MAP3K2: variants seen among roughly 807,000 people sequenced by gnomAD.
MAP3K2 encodes mitogen-activated protein kinase kinase kinase 2, also known as MAP/ERK kinase kinase 2.
Under a neutral mutation model 80.3 loss-of-function variants are expected in MAP3K2, and 24 were observed. The observed-to-expected ratio is 0.30, with a 90% CI of 0.22 to 0.42. MAP3K2 has a LOEUF of 0.42. Among genes scored for constraint, MAP3K2 ranks in the 10% least tolerant of loss-of-function variants. The pLI, the probability that MAP3K2 is intolerant of heterozygous loss-of-function variation, is 1.00. For missense variants in MAP3K2, 608 were observed against 750.1 expected, an observed-to-expected ratio of 0.81 and a Z score of 2.21; for synonymous variants, 244 against 253.7, an observed-to-expected ratio of 0.96 and a Z score of 0.36.
intron 1 of MAP3K2, among the ~76,000 whole-genome samples, chr2:127,373,140 G>A (rs1687094136): frequency 6.6e-6 from 1 of 152,200 alleles, no homozygotes; most frequent in African/African-American, 2.4e-5. Context: ...ATGCTGAACA[G>A]TCCTACCATG....
intron 4 of MAP3K2, among the ~76,000 whole-genome samples, 156 bp downstream of exon 4, chr2:127,337,582 T>TA (rs1308980884): frequency 6.6e-6 from 1 of 152,242 alleles, no homozygotes; most frequent in Non-Finnish European, 1.5e-5. Context: ...TTATCTATCT[T>TA]AAGTCTAAGC....
At chr2:127,324,019 T>A (rs1315598592) in intron 10 of MAP3K2, 25 bp from the exon 11 acceptor site, 3 of 1,190,764 alleles carry the variant, frequency 2.5e-6, no homozygotes, top group Non-Finnish European at 3.5e-6. Context: ...AAGATGGTTA[T>A]CTTTTATTTA....
intron 1 of MAP3K2, among the ~76,000 whole-genome samples, chr2:127,351,474 C>T (rs1159296873): frequency 6.6e-6 from 1 of 152,098 alleles, no homozygotes; most frequent in Admixed American, 6.5e-5. Context: ...ATCTATTCTT[C>T]TCCAGTCTTA....
At chr2:127,340,284 T>A (rs1023795212) in intron 2 of MAP3K2, among the ~76,000 whole-genome samples, 1 of 152,168 alleles carries the variant, frequency 6.6e-6, no homozygotes, top group Non-Finnish European at 1.5e-5. Context: ...AGGTACAATA[T>A]AATCACAATA....
intron 1 of MAP3K2, among the ~76,000 whole-genome samples, chr2:127,361,823 C>T (rs1480220348): frequency 2.6e-5 from 4 of 152,196 alleles, no homozygotes; most frequent in African/African-American, 9.7e-5. Flanking sequence ...GGGTTCAAAA[C>T]CTAGCGGTAG....
chr2:127,382,280 G>A (rs1304995399), intron 1 of MAP3K2, among the ~76,000 whole-genome samples: 1 of 152,170 alleles, frequency 6.6e-6, no homozygotes, highest in East Asian at 1.9e-4. Context: ...GACATATTGA[G>A]AGGTAAAATG....
chr2:127,322,196 C>G lies in MAP3K2; in HGVS notation c.895G>C (p.Val299Leu), dbSNP rs1199807479. Residue 299 changes from valine to leucine, a missense_variant, in exon 12 of 17, where the codon GTG (valine) becomes CTG (leucine). By Grantham distance (32) the Val-to-Leu change is conservative (BLOSUM62 1). This residue lies in a region of MAP3K2 where 467 missense variants were observed against 521.9 expected (regional missense o/e 0.89). Coordinates refer to ENST00000682094, the MANE Select transcript of MAP3K2 (RefSeq NM_001371910.2). The surrounding 1 kb of genome is among the most constrained non-coding windows in gnomAD (Gnocchi z 4.2). Reference sequence around the variant, plus strand: ...GAATGATCAGTAGGACTGAAACTCACAGGAGACCGTAAGCTGGTCCCCTGG... The same window carrying G: ...GAATGATCAGTAGGACTGAAACTCAGAGGAGACCGTAAGCTGGTCCCCTGG... ...RTQGTSLRSP[V>L]SFSPTDHSLS... The G allele has an allele frequency of 1.1e-5, 18 of 1,613,980 alleles. No individual in the cohort carries two copies. The highest frequency in any genetic ancestry group is 1.5e-5 in the Non-Finnish European group (18 of 1,179,866).
intron 1 of MAP3K2, among the ~76,000 whole-genome samples, chr2:127,365,030 A>G (rs542710218): frequency 1.6e-5 from 2 of 125,466 alleles, no homozygotes; most frequent in Non-Finnish European, 3.2e-5. Context: ...TGGGAGGCTG[A>G]GGTTTGAGCC....
rs1190652266 is a variant in MAP3K2, at chr2:127,318,300, T to C, written c.1063A>G (p.Asn355Asp). 2.5e-6 allele frequency: 4 copies of C among 1,597,970 alleles called. No individual in the cohort carries two copies. The highest frequency in any genetic ancestry group is 3.4e-6 in the Non-Finnish European group (4 of 1,174,276). ...CCAAGCAGTTTGCCCAATCTCCAGT[T>C]GGTCGGAGCTCGAGGTGCTGAAAAA... is the stretch of plus-strand genomic sequence containing the variant. The part of the protein sequence containing the change: ...PPSRSPRAPT[N>D]WRLGKLLGQG... Residue 355 changes from asparagine to aspartate, a missense_variant, in exon 13 of 17, where the codon AAC becomes GAC. Around this residue, in one of 4 missense-constraint regions of MAP3K2, gnomAD observed 467 missense variants for 521.9 expected, o/e 0.89. Transcript: ENST00000682094.
At chr2:127,324,521 C>A (rs1170575820) in intron 9 of MAP3K2, among the ~76,000 whole-genome samples, 3 of 152,156 alleles carry the variant, frequency 2.0e-5, no homozygotes, top group Non-Finnish European at 4.4e-5. Flanking sequence ...CCAAGCTCTG[C>A]CACTTAACTA....
chr2:127,342,388 G>GGGGTGTGTGTGTGTGTGTGTGTGTGT (rs143219830), intron 2 of MAP3K2, among the ~76,000 whole-genome samples: 10 of 147,744 alleles, frequency 6.8e-5, no homozygotes, highest in African/African-American at 2.5e-4. Flanking sequence ...TCTTCATGAG[G>GGGGTGTGTGTGTGTGTGTGTGTGTGT]GTGTGTGTGT....
rs935998696 is a variant in MAP3K2, at chr2:127,305,024, A to G, written c.*2555T>C. On this transcript the variant is annotated 3_prime_UTR_variant, in exon 17 of 17. Transcript: ENST00000682094. Reference sequence around the variant, plus strand: ...CCTTCCACAGCAGTGTTAAAGTAGTAGTTTCTTTTCAGGTGCCTTTATTTT... The same window carrying G: ...CCTTCCACAGCAGTGTTAAAGTAGTGGTTTCTTTTCAGGTGCCTTTATTTT... 6.6e-6 allele frequency: 1 copy of G among 152,540 alleles called. No individual in the cohort carries two copies. The highest frequency in any genetic ancestry group is 2.4e-5 in the African/African-American group (1 of 41,446). The allele number at this position is 152,540 out of a possible 1,614,324, so 9.4% of individuals were successfully genotyped here. A position where few individuals can be genotyped will look rare whatever the true frequency, so the allele number is the denominator to read the frequency against.
chr2:127,314,947 A>G, intron 14 of MAP3K2, 64 bp from the exon 15 acceptor site: 1 of 1,190,792 alleles, frequency 8.4e-7, no homozygotes, highest in South Asian at 1.4e-5. Context: ...ACTGCTATTA[A>G]ATCTTTATCA....
chr2:127,360,420 GT>G (rs201559335), intron 1 of MAP3K2, among the ~76,000 whole-genome samples: 2,002 of 151,474 alleles, frequency 0.013, 20 homozygotes, highest in Non-Finnish European at 0.018. Flanking sequence ...ACGGATAGAG[GT>G]AAGACAGTGA....
At chr2:127,388,159 C>A, upstream of MAP3K2, 1 of 985,092 alleles carries the variant, frequency 1.0e-6, no homozygotes, top group Non-Finnish European at 1.2e-6. Context: ...GCGGGGATTC[C>A]CAGTCCTGGC....
At chr2:127,368,576 C>A (rs913055282) in intron 1 of MAP3K2, among the ~76,000 whole-genome samples, 1 of 151,948 alleles carries the variant, frequency 6.6e-6, no homozygotes, top group Admixed American at 6.6e-5. Context: ...GAGCCCAGAT[C>A]GTGCCACTGC....
intron 14 of MAP3K2, among the ~76,000 whole-genome samples, chr2:127,316,544 A>G (rs1685908804): frequency 6.6e-6 from 1 of 152,230 alleles, no homozygotes; most frequent in African/African-American, 2.4e-5. Flanking sequence ...ACTATCAATC[A>G]GTGCTAAAAA....
At chr2:127,353,577 C>T (rs1686740706) in intron 1 of MAP3K2, among the ~76,000 whole-genome samples, 1 of 113,784 alleles carries the variant, frequency 8.8e-6, no homozygotes, top group Admixed American at 8.9e-5. Flanking sequence ...TGGGGGGGGT[C>T]AGCCCCCCGC....
chr2:127,355,854 G>A (rs77309637), intron 1 of MAP3K2, among the ~76,000 whole-genome samples: 3,950 of 152,098 alleles, frequency 0.026, 77 homozygotes, highest in African/African-American at 0.031. Context: ...ACCCTTCATC[G>A]ACTGAGTTGC....
Sources: allele counts gnomAD v4.1 joint callset (sites outside exome capture counted in the v4.1 genomes callset), GRCh38; gene constraint gnomAD v4.1.1; regional missense constraint gnomAD v4.1.1; non-coding constraint Gnocchi (gnomAD v3.1); transcripts MANE v1.5; gene names NCBI Gene and HGNC (gene_info 2026-07-23, HGNC 2026-07-21).